TRPM3: variants seen among roughly 807,000 people sequenced by gnomAD.
TRPM3 encodes transient receptor potential cation channel subfamily M member 3, also known as long transient receptor potential channel 3.
A neutral mutation model predicts 181.2 loss-of-function variants in TRPM3; 77 were observed. That is an observed-to-expected ratio of 0.42 (90% CI 0.35 to 0.51). The LOEUF (loss-of-function observed/expected upper bound fraction) is 0.51, where lower values mean the gene tolerates loss of function less well. Ranked by LOEUF, TRPM3 falls within the 20% of genes least tolerant of loss-of-function variation. The pLI is 0.01. For missense variants in TRPM3, 1,759 were observed against 2,196.7 expected (o/e 0.80, Z 3.98); for synonymous variants, 745 against 796.4 (o/e 0.94, Z 1.09).
intron 1 of TRPM3, among the ~76,000 whole-genome samples, chr9:71,438,706 A>G (rs2131653900): frequency 6.6e-6 from 1 of 152,282 alleles, no homozygotes; most frequent in African/African-American, 2.4e-5. Context: ...TTTCTCTTCC[A>G]GATATTTTTT....
At chr9:71,146,298 C>G (rs2075404093) in intron 1 of TRPM3, among the ~76,000 whole-genome samples, 1 of 152,102 alleles carries the variant, frequency 6.6e-6, no homozygotes, top group Non-Finnish European at 1.5e-5. Context: ...TCAGCCAAAG[C>G]CCCTAGCTTG....
intron 22 of TRPM3, among the ~76,000 whole-genome samples, chr9:70,559,738 G>A (rs942514924): frequency 6.6e-6 from 1 of 152,180 alleles, no homozygotes; most frequent in Non-Finnish European, 1.5e-5. Flanking sequence ...TGAAAGATCA[G>A]TGACATTCTT....
chr9:71,113,528 T>C (rs971034258), intron 1 of TRPM3, among the ~76,000 whole-genome samples: 2 of 152,298 alleles, frequency 1.3e-5, no homozygotes, highest in Non-Finnish European at 2.9e-5. Flanking sequence ...CCTCTAATCA[T>C]GAAAGTGTAC....
chr9:71,379,780 A>G (rs2092754580), intron 1 of TRPM3, among the ~76,000 whole-genome samples: 1 of 152,026 alleles, frequency 6.6e-6, no homozygotes, highest in Admixed American at 6.6e-5. Flanking sequence ...TGAATCAGAC[A>G]GCCCTGACCT....
At position 71,317,680 on chromosome 9, in the gene TRPM3, C is replaced by T. The variant is rs28633585; in HGVS notation, c.183+128973G>A. Among the ~76,000 whole-genome samples the T allele has an allele frequency of 1.6e-3, 22 of 13,888 alleles. No homozygotes were observed. In the East Asian group the frequency reaches 0.029, roughly 18 times the overall value. 9.1% of individuals were successfully genotyped at this position (13,888 alleles called of 152,430 possible). A position where few individuals can be genotyped will look rare whatever the true frequency, so the allele number is the denominator to read the frequency against. On this transcript the variant is annotated intron_variant, in intron 1 of 24. Coordinates refer to the TRPM3 transcript ENST00000357533. ...GAAAAAGAAAAAATATATATATATA[C>T]ACACACACACACACGCGCACACGCG... is the stretch of plus-strand genomic sequence containing the variant.
chr9:71,326,354 G>A (rs1278226591), intron 1 of TRPM3, among the ~76,000 whole-genome samples: 3 of 152,192 alleles, frequency 2.0e-5, no homozygotes, highest in Admixed American at 6.5e-5. Context: ...CCAGGTGTCA[G>A]CAGGTGAGCA....
At chr9:70,800,253 G>C (rs1464760636) in intron 6 of TRPM3, among the ~76,000 whole-genome samples, 1 of 152,234 alleles carries the variant, frequency 6.6e-6, no homozygotes, top group African/African-American at 2.4e-5. Flanking sequence ...CTGGGTTGTA[G>C]TGGATGATTT....
intron 1 of TRPM3, among the ~76,000 whole-genome samples, chr9:71,060,017 A>G (rs925348942): frequency 6.6e-6 from 1 of 152,090 alleles, no homozygotes; most frequent in African/African-American, 2.4e-5. Context: ...TTGACCTGAG[A>G]GCTGTATACA....
chr9:71,366,149 T>C (rs1296731466), intron 1 of TRPM3, among the ~76,000 whole-genome samples: 1 of 152,156 alleles, frequency 6.6e-6, no homozygotes, highest in Non-Finnish European at 1.5e-5. Flanking sequence ...TCCAAAATAG[T>C]ACAAGAGGTA....
intron 1 of TRPM3, among the ~76,000 whole-genome samples, chr9:71,019,288 A>G (rs904320242): frequency 2.6e-5 from 4 of 151,976 alleles, no homozygotes; most frequent in Non-Finnish European, 4.4e-5. Flanking sequence ...AATTAAAAGA[A>G]TATTGGAAAG....
intron 7 of TRPM3, among the ~76,000 whole-genome samples, chr9:70,771,012 G>A (rs1157121677): frequency 6.6e-6 from 1 of 152,092 alleles, no homozygotes; most frequent in Non-Finnish European, 1.5e-5. Context: ...ACTTAGCTGG[G>A]GTATCAGTGC....
chr9:71,321,819 C>G (rs530067575), intron 1 of TRPM3, among the ~76,000 whole-genome samples: 1 of 151,976 alleles, frequency 6.6e-6, no homozygotes, highest in Non-Finnish European at 1.5e-5. Context: ...ATTAATTTGG[C>G]GGGCAATTTT....
chr9:71,262,441 G>A (rs2083123720), intron 1 of TRPM3, among the ~76,000 whole-genome samples: 1 of 152,204 alleles, frequency 6.6e-6, no homozygotes, highest in South Asian at 2.1e-4. Context: ...ATGGATCTTA[G>A]CTTGCTGGGC....
chr9:71,432,975 A>C (rs184557428), intron 1 of TRPM3, among the ~76,000 whole-genome samples: 2 of 152,352 alleles, frequency 1.3e-5, no homozygotes, highest in Admixed American at 1.3e-4. Context: ...TAGTAATACT[A>C]ATAATATATA....
At chr9:70,870,985 G>A (rs2095778840) in intron 1 of TRPM3, among the ~76,000 whole-genome samples, 1 of 151,818 alleles carries the variant, frequency 6.6e-6, no homozygotes, top group African/African-American at 2.4e-5. Flanking sequence ...ATGATAATAG[G>A]AGGTTATTAC....
intron 6 of TRPM3, among the ~76,000 whole-genome samples, chr9:70,804,547 T>G (rs2090170966): frequency 6.6e-6 from 1 of 152,210 alleles, no homozygotes; most frequent in African/African-American, 2.4e-5. Context: ...AAGAAAATTC[T>G]ATTTTCTCCC....
At chr9:71,003,090 T>C (rs1469630160) in intron 1 of TRPM3, among the ~76,000 whole-genome samples, 2 of 152,008 alleles carry the variant, frequency 1.3e-5, no homozygotes, top group Non-Finnish European at 2.9e-5. Context: ...ATTGACATTT[T>C]AAAAGGGTCT....
chr9:71,391,332 G>T (rs150146245), intron 1 of TRPM3, among the ~76,000 whole-genome samples: 3 of 151,962 alleles, frequency 2.0e-5, no homozygotes, highest in Non-Finnish European at 4.4e-5. Context: ...TAAAGTTCAA[G>T]TAACTGAGTC....
At chr9:71,395,838 G>A (rs1164827166) in intron 1 of TRPM3, among the ~76,000 whole-genome samples, 1 of 152,138 alleles carries the variant, frequency 6.6e-6, no homozygotes, top group East Asian at 1.9e-4. Flanking sequence ...TGAAAGAGAT[G>A]GAAATACAGA....
Sources: allele counts gnomAD v4.1 joint callset (sites outside exome capture counted in the v4.1 genomes callset), GRCh38; gene constraint gnomAD v4.1.1; transcripts MANE v1.5; gene names NCBI Gene and HGNC (gene_info 2026-07-23, HGNC 2026-07-21).